CRYGB: variants seen among roughly 807,000 people sequenced by gnomAD.
CRYGB encodes gamma-crystallin B.
CRYGB carries 19 observed loss-of-function variants against 21.3 expected under a neutral mutation model. The observed-to-expected ratio is 0.89, with a 90% CI of 0.62 to 1.31. The LOEUF (loss-of-function observed/expected upper bound fraction) is 1.31. CRYGB is among the 50% of genes most tolerant of loss of function. CRYGB has a pLI of 0.00. For synonymous variants in CRYGB, 81 were observed against 81.2 expected, an observed-to-expected ratio of 1.00 and a Z score of 0.01; for missense variants, 254 against 228.4, an observed-to-expected ratio of 1.11 and a Z score of -0.72.
Position 208,145,892 on chromosome 2 carries a change from A to G in CRYGB, c.134T>C (p.Ile45Thr). Residue 45 changes from isoleucine (I) to threonine (T), a missense_variant, in exon 2 of 3, where the codon ATC becomes ACC. Transcript: ENST00000260988. ...SIRVESGCWM[I>T]YERPNYQGHQ... ...GCCCTGGTAGTTGGGGCGCTCATAG[A>G]TCATCCAGCAGCCGCTCTCCACCCT... The G allele has an allele frequency of 6.2e-7, 1 of 1,613,946 alleles. No individual in the cohort carries two copies.
At chr2:208,143,691 C>A (rs1175069347) in intron 2 of CRYGB, among the ~76,000 whole-genome samples, 1 of 152,086 alleles carries the variant, frequency 6.6e-6, no homozygotes. Flanking sequence ...TTAGTAGAGA[C>A]GGGCTTTGAC....
chr2:208,143,042 A>G, intron 2 of CRYGB, 129 bp from the exon 3 acceptor site: 1 of 993,960 alleles, frequency 1.0e-6, no homozygotes, highest in Admixed American at 2.9e-5. Flanking sequence ...TTCTAGAACA[A>G]CCCTGTTGCA....
rs1199573239 is a variant in CRYGB at position 208,146,122 on chromosome 2, T to C, written c.-2A>G. 3 of 1,614,020 alleles carry C rather than the reference T, an allele frequency of 1.9e-6. No homozygotes were observed. The highest frequency in any genetic ancestry group is 1.3e-5 in the African/African-American group (1 of 74,932). Reference sequence around the variant, plus strand: ...GTACCCAGGACTTACCTTTCCCATTTTGAAGGAAGTGAGCAGATGTTTTCT... The same window carrying C: ...GTACCCAGGACTTACCTTTCCCATTCTGAAGGAAGTGAGCAGATGTTTTCT... On this transcript the variant is annotated 5_prime_UTR_variant, in exon 1 of 3. Coordinates refer to ENST00000260988, the MANE Select transcript of CRYGB (RefSeq NM_005210.4).
intron 2 of CRYGB, among the ~76,000 whole-genome samples, chr2:208,144,022 GTTTTTTT>G (rs4021949): frequency 7.5e-6 from 1 of 134,056 alleles, no homozygotes; most frequent in Non-Finnish European, 1.6e-5. Flanking sequence ...TTCTTTCTGG[GTTTTTTT>G]TTTTTTTTGA....
intron 2 of CRYGB, 52 bp from the exon 3 acceptor site, chr2:208,142,965 A>G (rs1274046740): frequency 2.0e-6 from 3 of 1,537,924 alleles, no homozygotes; most frequent in South Asian, 2.6e-5. Context: ...ACAGATGGAA[A>G]TTAAAGCTCC....
chr2:208,145,464 G>A (rs1464747244), intron 2 of CRYGB, among the ~76,000 whole-genome samples: 1 of 151,924 alleles, frequency 6.6e-6, no homozygotes, highest in Non-Finnish European at 1.5e-5. Context: ...CGAGGCGGGC[G>A]GATCACTTGA....
rs1448519686 is a variant in CRYGB at position 208,145,804 on chromosome 2, G to A, written c.222C>T (p.Asp74=). 1 of 1,613,732 alleles carries A rather than the reference G, an allele frequency of 6.2e-7. No homozygotes were observed. The highest frequency in any genetic ancestry group is 8.5e-7 in the Non-Finnish European group (1 of 1,179,986). ...PDYQQWMGLS[D]SIRSCCLIPP... is the part of the protein sequence containing the mutation. ...GGATGAGGCAGCAGGAGCGGATGGA[G>A]TCGCTGAGGCCCATCCATTGCTGGT... The change falls in exon 2 of 3, where the codon GAC becomes GAT. Residue 74 remains aspartate (D), a synonymous_variant. Transcript: ENST00000260988.
Position 208,142,838 on chromosome 2 carries a change from A to G in CRYGB, c.328T>C (p.Cys110Arg). The change falls in exon 3 of 3, where the codon TGT becomes CGT. Residue 110 changes from cysteine to arginine, a missense_variant. Coordinates refer to ENST00000260988, the MANE Select transcript of CRYGB (RefSeq NM_005210.4). ...RGQMSELTDD[C>R]ISVQDRFHLT... Reference sequence around the variant, plus strand: ...TGGAAGCGGTCCTGAACAGAGATACAGTCGTCTGTGAGCTCTGACATTTGT... The same window carrying G: ...TGGAAGCGGTCCTGAACAGAGATACGGTCGTCTGTGAGCTCTGACATTTGT... 1 of 1,614,166 alleles carries G rather than the reference A, an allele frequency of 6.2e-7. No homozygotes were observed. Among genetic ancestry groups the G allele is most frequent in the South Asian group, 1.1e-5 (1 of 91,064 alleles).
chr2:208,143,567 A>G (rs1387885325), intron 2 of CRYGB, among the ~76,000 whole-genome samples: 22 of 126,948 alleles, frequency 1.7e-4, no homozygotes, highest in Non-Finnish European at 5.4e-5. Context: ...CAATGGCGCA[A>G]TCTCAGCTCA....
At chr2:208,144,424 G>C (rs1197382790) in intron 2 of CRYGB, among the ~76,000 whole-genome samples, 1 of 151,078 alleles carries the variant, frequency 6.6e-6, no homozygotes, top group Non-Finnish European at 1.5e-5. Context: ...TGTTTCTTGA[G>C]ACAGGGTCTC....
At chr2:208,144,998 C>T (rs1224673435) in intron 2 of CRYGB, among the ~76,000 whole-genome samples, 2 of 152,200 alleles carry the variant, frequency 1.3e-5, no homozygotes, top group Non-Finnish European at 2.9e-5. Context: ...TTTTATGACA[C>T]TGTATCCCAT....
chr2:208,146,134 A>G lies in CRYGB; in HGVS notation c.-14T>C. The G allele has an allele frequency of 3.7e-6, 6 of 1,614,008 alleles. No homozygotes were observed. The highest frequency in any genetic ancestry group is 5.1e-6 in the Non-Finnish European group (6 of 1,179,952). ...TACCTTTCCCATTTTGAAGGAAGTG[A>G]GCAGATGTTTTCTGGTTGCTGTGTG... On this transcript the variant is annotated 5_prime_UTR_variant, in exon 1 of 3. Transcript: ENST00000260988.
chr2:208,144,034 T>C (rs1695408500), intron 2 of CRYGB, among the ~76,000 whole-genome samples: 1 of 151,480 alleles, frequency 6.6e-6, no homozygotes, highest in Non-Finnish European at 1.5e-5. Context: ...TTTTTTTTTT[T>C]TTTGAGATGG....
At position 208,146,158 on chromosome 2, in the gene CRYGB, T is replaced by C. The variant is rs776359571; in HGVS notation, c.-38A>G. The C allele has an allele frequency of 1.2e-6, 2 of 1,612,452 alleles. No individual in the cohort carries two copies. The highest frequency in any genetic ancestry group is 1.7e-6 in the Non-Finnish European group (2 of 1,178,764). Reference sequence around the variant, plus strand: ...GAGCAGATGTTTTCTGGTTGCTGTGTGGGACTGCGGGAACGTCACTGTATG... The same window carrying C: ...GAGCAGATGTTTTCTGGTTGCTGTGCGGGACTGCGGGAACGTCACTGTATG... On this transcript the variant is annotated 5_prime_UTR_variant, in exon 1 of 3. Coordinates refer to ENST00000260988, the MANE Select transcript of CRYGB (RefSeq NM_005210.4).
intron 2 of CRYGB, among the ~76,000 whole-genome samples, chr2:208,145,224 T>TTTGTTG (rs71036980): frequency 0.24 from 35,372 of 149,696 alleles, 4,274 homozygotes; most frequent in East Asian, 0.3. Flanking sequence ...CAAGCAAAAG[T>TTTGTTG]TTGTTGTTGT....
rs578031866 is a variant in CRYGB, at chr2:208,144,728, C to G, written c.252+1046G>C. Among the ~76,000 whole-genome samples, 236 of 151,770 alleles carry G rather than the reference C, an allele frequency of 1.6e-3. 1 individual carries two copies. Among genetic ancestry groups the G allele is most frequent in the African/African-American group, 5.5e-3 (228 of 41,394 alleles). On this transcript the variant is annotated intron_variant, in intron 2 of 2. Transcript: ENST00000260988. ...GCCTCAGCCTCCCAAGTAGCTGAGA[C>G]TACAGGCGCGTGCCACCAAGCCCAG...
chr2:208,144,279 G>A (rs1574337430), intron 2 of CRYGB, among the ~76,000 whole-genome samples: 1 of 152,150 alleles, frequency 6.6e-6, no homozygotes, highest in Non-Finnish European at 1.5e-5. Flanking sequence ...CCTCCCAAAA[G>A]TGCTGGGATT....
At chr2:208,144,051 A>T (rs1185006147) in intron 2 of CRYGB, among the ~76,000 whole-genome samples, 1 of 123,084 alleles carries the variant, frequency 8.1e-6, no homozygotes, top group Non-Finnish European at 1.7e-5. Context: ...ATGGAGTTTC[A>T]CTCTTGTTGC....
chr2:208,144,242 G>A (rs1047682701), intron 2 of CRYGB, among the ~76,000 whole-genome samples: 2 of 151,830 alleles, frequency 1.3e-5, no homozygotes, highest in Admixed American at 6.6e-5. Flanking sequence ...CTCAAACTCC[G>A]GACCTCAGGT....
Sources: allele counts gnomAD v4.1 joint callset (sites outside exome capture counted in the v4.1 genomes callset), GRCh38; gene constraint gnomAD v4.1.1; transcripts MANE v1.5; gene names NCBI Gene and HGNC (gene_info 2026-07-23, HGNC 2026-07-21).